ACSM2B: variants seen among roughly 807,000 people sequenced by gnomAD.
ACSM2B encodes the protein acyl-coenzyme A synthetase ACSM2B, mitochondrial.
ACSM2B carries 58 observed loss-of-function variants against 78.6 expected under a neutral mutation model. That is an observed-to-expected ratio of 0.74 (90% CI 0.60 to 0.92). The LOEUF (loss-of-function observed/expected upper bound fraction) is 0.92, where lower values mean the gene tolerates loss of function less well. Ranked by LOEUF, ACSM2B falls within the 40% of genes least tolerant of loss-of-function variation. The probability of loss-of-function intolerance (pLI) is 0.00; values close to 1 mark genes in which losing one functional copy is unlikely to be tolerated. For missense variants in ACSM2B, 688 were observed against 711.2 expected (o/e 0.97, Z 0.37); for synonymous variants, 257 against 256.8 (o/e 1.00, Z -0.01).
chr16:20,566,630 TATA>T (rs1228274643), intron 1 of ACSM2B, among the ~76,000 whole-genome samples: 2 of 61,074 alleles, frequency 3.3e-5, no homozygotes, highest in South Asian at 6.5e-4. Context: ...ATATACTATA[TATA>T]GTATATATAT....
At chr16:20,575,965 C>T (rs1421640241) in intron 1 of ACSM2B, among the ~76,000 whole-genome samples, 1 of 151,268 alleles carries the variant, frequency 6.6e-6, no homozygotes, top group Non-Finnish European at 1.5e-5. Context: ...ACCCAACTAC[C>T]AGCCCCCTGT....
At chr16:20,562,548 A>C (rs28636433) in intron 2 of ACSM2B, among the ~76,000 whole-genome samples, 3,687 of 152,248 alleles carry the variant, frequency 0.024, 159 homozygotes, top group African/African-American at 0.085. Context: ...GGAGGAATTT[A>C]GTTTATAATT....
chr16:20,548,295 C>G (rs936281651), intron 7 of ACSM2B, 99 bp downstream of exon 7: 4 of 1,606,924 alleles, frequency 2.5e-6, no homozygotes, highest in Non-Finnish European at 3.4e-6. Context: ...TCATGGGGCT[C>G]TCTGTGTGCG....
intron 8 of ACSM2B, chr16:20,547,159 C>T: frequency 2.0e-6 from 2 of 1,016,618 alleles, no homozygotes; most frequent in Non-Finnish European, 2.4e-6. Flanking sequence ...CTGGAAAGGG[C>T]AAGTTGATTG....
intron 8 of ACSM2B, chr16:20,547,421 G>T: frequency 1.0e-6 from 1 of 985,048 alleles, no homozygotes; most frequent in Non-Finnish European, 1.2e-6. Flanking sequence ...CAGGGTAAGA[G>T]AGTGGAGAGG....
intron 1 of ACSM2B, among the ~76,000 whole-genome samples, chr16:20,566,187 C>T (rs2015824788): frequency 7.6e-6 from 1 of 131,912 alleles, no homozygotes; most frequent in Non-Finnish European, 1.6e-5. Flanking sequence ...CACTCCTGTG[C>T]CTTTCTTCCT....
chr16:20,566,247 T>TTATATATA (rs200052689), intron 1 of ACSM2B, among the ~76,000 whole-genome samples: 224 of 69,908 alleles, frequency 3.2e-3, no homozygotes, highest in Admixed American at 4.2e-3. Flanking sequence ...TCATGGAAGA[T>TTATATATA]TATATATATA....
Position 20,555,386 on chromosome 16 carries a change from C to G in ACSM2B, c.479G>C (p.Gly160Ala). 6.2e-7 allele frequency: 1 copy of G among 1,613,910 alleles called. No individual in the cohort carries two copies. Among genetic ancestry groups the G allele is most frequent in the Admixed American group, 1.7e-5 (1 of 60,006 alleles). ...GTCCACTTCTTGGATGACTTCATCC[C>G]CAGCAACAATAGCCTTGGCCTTAGA... ...QMSKAKAIVA[G>A]DEVIQEVDTV... Residue 160 changes from glycine (G) to alanine (A), a missense_variant, in exon 4 of 14, where the codon GGG becomes GCG. Transcript: ENST00000329697.
At chr16:20,572,060 A>G (rs71384487) in intron 1 of ACSM2B, among the ~76,000 whole-genome samples, 3,085 of 138,496 alleles carry the variant, frequency 0.022, 60 homozygotes, top group East Asian at 0.054. Context: ...TACTTAGGCC[A>G]TTTACATTCA....
rs201674354 is a variant in ACSM2B, at chr16:20,542,557, A to C, written c.1509+357T>G. 563 of 266,312 alleles carry C rather than the reference A, an allele frequency of 2.1e-3. 4 individuals carry two copies. The highest frequency in any genetic ancestry group is 0.011 in the East Asian group (131 of 12,060). 16.5% of individuals were successfully genotyped at this position (266,312 alleles called of 1,614,324 possible). ...CGTATTGTGAATAGTGCTGCAATTA[A>C]CATGGGAGTGTAGACATCTTTTTGA... On this transcript the variant is annotated intron_variant, in intron 12 of 13. Transcript: ENST00000329697.
At chr16:20,555,544 A>G (rs2015448264) in intron 3 of ACSM2B, 68 bp from the exon 4 acceptor site, 1 of 1,601,084 alleles carries the variant, frequency 6.2e-7, no homozygotes, top group Non-Finnish European at 8.5e-7. Context: ...AGCCTGAGAT[A>G]AACATCAAGC....
intron 8 of ACSM2B, 174 bp from the exon 9 acceptor site, chr16:20,546,648 A>G (rs1196575968): frequency 3.3e-6 from 4 of 1,216,828 alleles, no homozygotes; most frequent in African/African-American, 1.5e-5. Context: ...TCACAATCCT[A>G]GGGGCCTCAC....
Position 20,537,017 on chromosome 16 carries a change from C to T in ACSM2B, c.*241G>A. 4.9e-6 allele frequency: 2 copies of T among 407,984 alleles called. No homozygotes were observed. Among genetic ancestry groups the T allele is most frequent in the South Asian group, 7.2e-5 (1 of 13,928 alleles). The allele number at this position is 407,984 out of a possible 1,614,324, so 25.3% of individuals were successfully genotyped here. A position where few individuals can be genotyped will look rare whatever the true frequency, so the allele number is the denominator to read the frequency against. ...CTTTCTCTTGCAGTTTTTAACATTTCCCTGACTTACTTTTCTTTCCTCTTT... is the reference window on the plus strand; with the variant it reads ...CTTTCTCTTGCAGTTTTTAACATTTTCCTGACTTACTTTTCTTTCCTCTTT... On this transcript the variant is annotated 3_prime_UTR_variant, in exon 14 of 14. Transcript: ENST00000329697.
intron 8 of ACSM2B, 132 bp downstream of exon 8, chr16:20,547,930 C>G: frequency 6.5e-7 from 1 of 1,530,468 alleles, no homozygotes; most frequent in Non-Finnish European, 8.8e-7. Flanking sequence ...CAGTACCTGT[C>G]CCTTCACAGA....
rs139006917 is a variant in ACSM2B, at chr16:20,565,783, A to G, written c.-8-930T>C. 2.1e-3 allele frequency among the ~76,000 whole-genome samples: 324 copies of G among 152,130 alleles called. 1 individual carries two copies. Among genetic ancestry groups the G allele is most frequent in the Admixed American group, 5.0e-3 (77 of 15,250 alleles). On this transcript the variant is annotated intron_variant, in intron 1 of 13. Coordinates refer to ENST00000329697, the MANE Select transcript of ACSM2B (RefSeq NM_001105069.2). ...AGTATACACTTAACAGTACACACTT[A>G]ACCCACTTTGTACCCTTTTATTCCT...
At chr16:20,540,529 C>G in intron 13 of ACSM2B, 125 bp downstream of exon 13, 1 of 1,483,346 alleles carries the variant, frequency 6.7e-7, no homozygotes, top group Non-Finnish European at 9.1e-7. Context: ...AGGTGTCAGC[C>G]ACCATGTCCG....
intron 9 of ACSM2B, among the ~76,000 whole-genome samples, chr16:20,545,627 A>G (rs899643517): frequency 6.6e-6 from 1 of 152,178 alleles, no homozygotes; most frequent in African/African-American, 2.4e-5. Flanking sequence ...ACTTTGAACT[A>G]CTTAAACTCT....
At chr16:20,539,598 G>A (rs570705999) in intron 13 of ACSM2B, among the ~76,000 whole-genome samples, 126 of 151,998 alleles carry the variant, frequency 8.3e-4, no homozygotes, top group African/African-American at 2.9e-3. Context: ...ATGTCATGGG[G>A]TAGGGGAGCT....
Position 20,537,147 on chromosome 16 carries a change from ACATT to A in ACSM2B, c.*107_*110del. Reference sequence around the variant, plus strand: ...TAATAACCAGGGCAAGACAAAACTTACATTCATGTTCTTTCATAAAGAATCTCAT... The same window carrying A: ...TAATAACCAGGGCAAGACAAAACTTACATGTTCTTTCATAAAGAATCTCAT... On this transcript the variant is annotated 3_prime_UTR_variant, in exon 14 of 14. Coordinates refer to ENST00000329697, the MANE Select transcript of ACSM2B (RefSeq NM_001105069.2). 7.6e-7 allele frequency: 1 copy of A among 1,321,892 alleles called. No individual in the cohort carries two copies. The allele number at this position is 1,321,892 out of a possible 1,614,324, so 81.9% of individuals were successfully genotyped here. A position where few individuals can be genotyped will look rare whatever the true frequency, so the allele number is the denominator to read the frequency against.
Sources: allele counts gnomAD v4.1 joint callset (sites outside exome capture counted in the v4.1 genomes callset), GRCh38; gene constraint gnomAD v4.1.1; transcripts MANE v1.5; gene names NCBI Gene and HGNC (gene_info 2026-07-23, HGNC 2026-07-21).